Variants in CELF4 observed in about 807,000 individuals in gnomAD.
The protein encoded by CELF4 is CUGBP Elav-like family member 4, also known as CUG-BP- and ETR-3-like factor 4.
In CELF4, 18 loss-of-function variants were observed where a neutral mutation model predicts 59.9. The ratio of observed to expected loss-of-function variants is 0.30; its 90% CI spans 0.21 to 0.45. The LOEUF (loss-of-function observed/expected upper bound fraction) is 0.45. Among genes scored for constraint, CELF4 ranks in the 20% least tolerant of loss-of-function variants. CELF4 has a pLI of 1.00. For synonymous variants in CELF4, 261 were observed against 267.1 expected (o/e 0.98, Z 0.22); for missense variants, 456 against 689.0 (o/e 0.66, Z 3.79).
At position 37,246,519 on chromosome 18, in the gene CELF4, GT is replaced by G. The variant is rs2062176910; in HGVS notation, c.*45-1323del. Among the ~76,000 whole-genome samples the G allele has an allele frequency of 6.6e-6, 1 of 151,694 alleles. No individual in the cohort carries two copies. Among genetic ancestry groups the G allele is most frequent in the African/African-American group, 2.4e-5 (1 of 41,264 alleles). ...CTCTCTTGCAGAGGCCTCTGGCTTT[GT>G]ACTCTAGTTTTTTGGTTTAGAATTT... is the stretch of plus-strand genomic sequence containing the variant. On this transcript the variant is annotated intron_variant, in intron 12 of 12. Coordinates refer to ENST00000420428, the MANE Select transcript of CELF4 (RefSeq NM_020180.4). This position sits in a 1 kb window ranked among gnomAD's most constrained non-coding sequence, Gnocchi z 5.3.
At chr18:37,398,137 C>T (rs2099268980) in intron 2 of CELF4, among the ~76,000 whole-genome samples, 1 of 152,182 alleles carries the variant, frequency 6.6e-6, no homozygotes, top group Admixed American at 6.5e-5. Context: ...CCGGCCCTTG[C>T]TGTTGGGAGA....
chr18:37,310,581 A>G (rs995939720), intron 3 of CELF4, among the ~76,000 whole-genome samples: 20 of 152,078 alleles, frequency 1.3e-4, no homozygotes, highest in African/African-American at 4.8e-4. Context: ...CTCCCCTCTG[A>G]AGGCCAGGCA....
chr18:37,327,524 G>T (rs2097362691), intron 2 of CELF4, among the ~76,000 whole-genome samples: 1 of 152,254 alleles, frequency 6.6e-6, no homozygotes, highest in Non-Finnish European at 1.5e-5. Flanking sequence ...CAAAGGAGGG[G>T]AATGTCTTCA....
At chr18:37,279,557 T>G (rs1312322881) in intron 3 of CELF4, among the ~76,000 whole-genome samples, 1 of 152,238 alleles carries the variant, frequency 6.6e-6, no homozygotes, top group African/African-American at 2.4e-5. Flanking sequence ...AGCTGTTCAC[T>G]GAGTACCTTC....
chr18:37,510,522 T>C (rs1321947996), intron 1 of CELF4, among the ~76,000 whole-genome samples: 1 of 152,218 alleles, frequency 6.6e-6, no homozygotes, highest in Admixed American at 6.5e-5. Flanking sequence ...CCCTGTGCAA[T>C]CCGTCTCTGC....
rs1385579876 is a variant in CELF4 at position 37,253,605 on chromosome 18, G to C, written c.*44+162C>G. ...GCCCATTTCTGCCGGGGTGACGGCA[G>C]CTCTGCGCCTGGCCCGAGGAGCAGG... is the stretch of plus-strand genomic sequence containing the variant. On this transcript the variant is annotated intron_variant, in intron 12 of 12. Transcript: ENST00000420428. This position sits in a 1 kb window ranked among gnomAD's most constrained non-coding sequence, Gnocchi z 4.5. Among the ~76,000 whole-genome samples the C allele has an allele frequency of 6.6e-6, 1 of 152,194 alleles. No individual in the cohort carries two copies. Among genetic ancestry groups the C allele is most frequent in the Non-Finnish European group, 1.5e-5 (1 of 68,024 alleles).
At chr18:37,554,993 C>T (rs1454386134) in intron 1 of CELF4, among the ~76,000 whole-genome samples, 1 of 152,192 alleles carries the variant, frequency 6.6e-6, no homozygotes, top group Non-Finnish European at 1.5e-5. Context: ...GCTGACAGGG[C>T]AGCACCCTGA....
At chr18:37,276,942 CAGGG>C (rs2093397764) in intron 3 of CELF4, among the ~76,000 whole-genome samples, 1 of 152,228 alleles carries the variant, frequency 6.6e-6, no homozygotes, top group African/African-American at 2.4e-5. Context: ...CATGGGCACT[CAGGG>C]ACCCTGTGTC....
intron 12 of CELF4, among the ~76,000 whole-genome samples, chr18:37,247,860 G>A (rs562127404): frequency 6.6e-6 from 1 of 152,266 alleles, no homozygotes; most frequent in South Asian, 2.1e-4. Context: ...CAGGCGCTCT[G>A]CTTTTCATCA....
intron 2 of CELF4, among the ~76,000 whole-genome samples, chr18:37,427,828 A>C (rs1020579719): frequency 1.6e-4 from 24 of 152,326 alleles, no homozygotes; most frequent in Admixed American, 1.4e-3. Flanking sequence ...CACATGGTTG[A>C]TAGATAGACA....
chr18:37,261,151 T>C (rs2074099871), intron 10 of CELF4, among the ~76,000 whole-genome samples: 1 of 152,086 alleles, frequency 6.6e-6, no homozygotes, highest in South Asian at 2.1e-4. Context: ...CTCTTTCTCT[T>C]TTATGTCTAG....
chr18:37,559,100 C>G (rs997343089), intron 1 of CELF4, among the ~76,000 whole-genome samples: 8 of 152,032 alleles, frequency 5.3e-5, no homozygotes, highest in Admixed American at 5.2e-4. Flanking sequence ...ACCTTCACAC[C>G]AGGACTTGGA....
At position 37,485,261 on chromosome 18, in the gene CELF4, G is replaced by A. The variant is rs2099878445; in HGVS notation, c.369+264C>T. On this transcript the variant is annotated intron_variant, in intron 2 of 12. Transcript: ENST00000420428. Reference sequence around the variant, plus strand: ...CCGGCGGAGGCAGCTCCCGCTCCGGGGACCCGGGACGCGCCGCTCCCCCGC... The same window carrying A: ...CCGGCGGAGGCAGCTCCCGCTCCGGAGACCCGGGACGCGCCGCTCCCCCGC... 2.0e-5 allele frequency among the ~76,000 whole-genome samples: 3 copies of A among 151,836 alleles called. No individual in the cohort carries two copies. In the South Asian group the frequency reaches 6.2e-4, roughly 31 times the overall value.
chr18:37,490,730 G>A (rs904092664), intron 1 of CELF4, among the ~76,000 whole-genome samples: 9 of 152,134 alleles, frequency 5.9e-5, no homozygotes, highest in Admixed American at 1.3e-4. Context: ...ACACCTCCCC[G>A]TCTTTGCCCT....
rs987480181 is a variant in CELF4, at chr18:37,413,760, T to G, written c.369+71765A>C. On this transcript the variant is annotated intron_variant, in intron 2 of 12. Coordinates refer to ENST00000420428, the MANE Select transcript of CELF4 (RefSeq NM_020180.4). ...GTCCCACATCCTTCCAGAGCCCCATTCCTCCTCTCCAAGGAGCCTATCATC... is the reference window on the plus strand; with the variant it reads ...GTCCCACATCCTTCCAGAGCCCCATGCCTCCTCTCCAAGGAGCCTATCATC... Among the ~76,000 whole-genome samples the G allele has an allele frequency of 4.6e-5, 7 of 152,178 alleles. No homozygotes were observed. In the East Asian group the frequency reaches 1.3e-3, roughly 29 times the overall value.
At chr18:37,503,920 C>T (rs566587272) in intron 1 of CELF4, among the ~76,000 whole-genome samples, 5 of 152,224 alleles carry the variant, frequency 3.3e-5, no homozygotes, top group East Asian at 1.9e-4. Flanking sequence ...TAAGTAAGGC[C>T]GGGGCTCAGT....
chr18:37,337,791 C>T (rs1027940998), intron 2 of CELF4, among the ~76,000 whole-genome samples: 12 of 152,236 alleles, frequency 7.9e-5, no homozygotes, highest in Non-Finnish European at 1.5e-4. Context: ...TACCTACTTC[C>T]ACCTCTATGC....
At chr18:37,491,001 A>T (rs2099902026) in intron 1 of CELF4, among the ~76,000 whole-genome samples, 1 of 151,994 alleles carries the variant, frequency 6.6e-6, no homozygotes, top group African/African-American at 2.4e-5. Flanking sequence ...TGGAGCAGAG[A>T]CAGCTTTGGA....
At chr18:37,522,634 A>G (rs2154604714) in intron 1 of CELF4, among the ~76,000 whole-genome samples, 1 of 152,264 alleles carries the variant, frequency 6.6e-6, no homozygotes, top group East Asian at 1.9e-4. Flanking sequence ...GGAAACAATG[A>G]GGGGAATTTT....
Sources: gnomAD v4.1 joint callset for allele counts (sites outside exome capture counted in the v4.1 genomes callset) on GRCh38, gnomAD v4.1.1 for gene constraint, Gnocchi (gnomAD v3.1) non-coding constraint, MANE v1.5 for transcripts, NCBI Gene and HGNC (gene_info 2026-07-23, HGNC 2026-07-21) for gene names.